Variants in CRACD observed in about 807,000 individuals in gnomAD.
The protein encoded by CRACD is capping protein inhibiting regulator of actin dynamics, also known as capping protein-inhibiting regulator of actin dynamics.
CRACD carries 56 observed loss-of-function variants against 106.8 expected under a neutral mutation model. The ratio of observed to expected loss-of-function variants is 0.52; its 90% CI spans 0.42 to 0.66. CRACD has a LOEUF of 0.66. Among genes scored for constraint, CRACD ranks in the 30% least tolerant of loss-of-function variants. CRACD has a pLI of 0.00. For missense variants in CRACD, 1,730 were observed against 1,623.2 expected, an observed-to-expected ratio of 1.07 and a Z score of -1.13; for synonymous variants, 754 against 670.8, an observed-to-expected ratio of 1.12 and a Z score of -1.92.
chr4:56,214,662 T>TCA (rs1738575971), intron 2 of CRACD, among the ~76,000 whole-genome samples: 1 of 76,096 alleles, frequency 1.3e-5, no homozygotes, highest in South Asian at 8.0e-4. Context: ...ACTCTCTCTC[T>TCA]CTCTCTCTCT....
At chr4:56,317,691 T>C (rs1033985248) in intron 8 of CRACD, among the ~76,000 whole-genome samples, 4 of 152,134 alleles carry the variant, frequency 2.6e-5, no homozygotes, top group Admixed American at 6.5e-5. Flanking sequence ...TATGGGATAA[T>C]TGACTGTCTC....
At chr4:56,167,203 T>G (rs1736188214) in intron 1 of CRACD, among the ~76,000 whole-genome samples, 1 of 152,228 alleles carries the variant, frequency 6.6e-6, no homozygotes, top group Non-Finnish European at 1.5e-5. Flanking sequence ...TTATTTCATT[T>G]TTTTCAAAAA....
intron 1 of CRACD, among the ~76,000 whole-genome samples, chr4:56,094,402 C>T (rs1172884220): frequency 6.7e-6 from 1 of 149,980 alleles, no homozygotes; most frequent in African/African-American, 2.4e-5. Flanking sequence ...CTTATGTATT[C>T]CATAGTTTCA....
intron 2 of CRACD, among the ~76,000 whole-genome samples, chr4:56,198,917 T>G (rs1193866979): frequency 6.6e-6 from 1 of 152,222 alleles, no homozygotes; most frequent in Non-Finnish European, 1.5e-5. Context: ...GATTATGTAG[T>G]GTTCAGTAGT....
chr4:56,227,431 C>T (rs1739362047), intron 2 of CRACD, among the ~76,000 whole-genome samples: 1 of 152,162 alleles, frequency 6.6e-6, no homozygotes, highest in South Asian at 2.1e-4. Context: ...TAAAGTCATA[C>T]AACAACATAT....
intron 1 of CRACD, among the ~76,000 whole-genome samples, chr4:56,090,391 G>A (rs1490059568): frequency 6.6e-6 from 1 of 151,984 alleles, no homozygotes; most frequent in East Asian, 1.9e-4. Flanking sequence ...ATGAGCACCT[G>A]CCAAGCTGGG....
intron 2 of CRACD, among the ~76,000 whole-genome samples, chr4:56,214,679 C>CTATATATATATATA (rs755261143): frequency 8.1e-5 from 6 of 74,196 alleles, no homozygotes; most frequent in African/African-American, 2.8e-4. Flanking sequence ...CTCTCTCTCT[C>CTATATATATATATA]TCTATATATA....
At chr4:56,110,623 G>C (rs1734087674) in intron 1 of CRACD, among the ~76,000 whole-genome samples, 1 of 151,948 alleles carries the variant, frequency 6.6e-6, no homozygotes, top group African/African-American at 2.4e-5. Flanking sequence ...TTGAGACAGG[G>C]TCTCATTCTG....
intron 1 of CRACD, among the ~76,000 whole-genome samples, chr4:56,146,488 A>T (rs188153769): frequency 6.6e-6 from 1 of 151,618 alleles, no homozygotes; most frequent in Non-Finnish European, 1.5e-5. Context: ...TTACATATGT[A>T]TACATGTGCC....
chr4:56,316,677 G>T lies in CRACD; in HGVS notation c.3175G>T (p.Ala1059Ser). The T allele has an allele frequency of 6.2e-7, 1 of 1,608,212 alleles. No individual in the cohort carries two copies. Among genetic ancestry groups the T allele is most frequent in the South Asian group, 1.1e-5 (1 of 90,912 alleles). ...QQEKPSQTPE[A>S]GRKEKPMLQS... The stretch of plus-strand genomic sequence containing the variant: ...AGAGAAACCTTCTCAAACACCCGAG[G>T]CCGGGAGGAAAGGTAGGTAGCTGCA... The change falls in exon 8 of 11, where the codon GCC (alanine) becomes TCC (serine). Residue 1059 changes from alanine to serine, a missense_variant. By Grantham distance (99) the Ala-to-Ser change is moderately conservative. This residue lies in a region of CRACD where 1,620 missense variants were observed against 1,481.6 expected (regional missense o/e 1.09). Coordinates refer to ENST00000682029, the MANE Select transcript of CRACD (RefSeq NM_001393381.1).
intron 1 of CRACD, among the ~76,000 whole-genome samples, chr4:56,105,439 C>T (rs1490371416): frequency 6.6e-6 from 1 of 152,170 alleles, no homozygotes; most frequent in East Asian, 1.9e-4. Context: ...GTTGAGGCTA[C>T]AGTGAGCCCT....
At chr4:56,285,802 T>C (rs1743307670) in intron 3 of CRACD, among the ~76,000 whole-genome samples, 1 of 152,142 alleles carries the variant, frequency 6.6e-6, no homozygotes, top group African/African-American at 2.4e-5. Flanking sequence ...GTGAGGTAGG[T>C]CCTATTATTA....
chr4:56,265,550 A>G (rs1366919687), intron 2 of CRACD, among the ~76,000 whole-genome samples: 1 of 152,172 alleles, frequency 6.6e-6, no homozygotes, highest in Non-Finnish European at 1.5e-5. Context: ...TTGTTGAGAA[A>G]GTCAAGTTTC....
chr4:56,291,169 C>CAG (rs996110411), intron 3 of CRACD, among the ~76,000 whole-genome samples: 8 of 152,126 alleles, frequency 5.3e-5, no homozygotes, highest in African/African-American at 1.7e-4. Context: ...ATCATTTGAG[C>CAG]AGAGAGAGAG....
intron 1 of CRACD, among the ~76,000 whole-genome samples, chr4:56,178,781 A>G (rs1736691861): frequency 6.6e-6 from 1 of 152,204 alleles, no homozygotes; most frequent in Admixed American, 6.5e-5. Context: ...TACATTCATT[A>G]CATCCTGGTT....
Position 56,278,086 on chromosome 4 carries a change from T to TC in CRACD, c.-17+5594_-17+5595insC, listed in dbSNP as rs1560514430. On this transcript the variant is annotated intron_variant, in intron 3 of 10. Transcript: ENST00000682029. ...TGTTAAGATGACAGTACTCCCCAGA[T>TC]TGAGCTACAGATTCAATGTGGTCCC... Among the ~76,000 whole-genome samples the TC allele has an allele frequency of 2.6e-5, 4 of 151,864 alleles. No individual in the cohort carries two copies. The East Asian group carries it at 7.8e-4, about 29-fold the overall frequency.
At chr4:56,073,121 A>C (rs1732721154) in intron 1 of CRACD, among the ~76,000 whole-genome samples, 3 of 152,190 alleles carry the variant, frequency 2.0e-5, no homozygotes, top group African/African-American at 7.2e-5. Context: ...GTATATACCC[A>C]ACAATGGGAT....
chr4:56,071,544 T>C (rs1411411810), intron 1 of CRACD, among the ~76,000 whole-genome samples: 1 of 151,572 alleles, frequency 6.6e-6, no homozygotes, highest in Non-Finnish European at 1.5e-5. Flanking sequence ...TCTCACTCTG[T>C]TGCCCAGGCT....
At position 56,242,279 on chromosome 4, in the gene CRACD, G is replaced by A. The variant is rs116422740; in HGVS notation, c.-188-30042G>A. On this transcript the variant is annotated intron_variant, in intron 2 of 10. Coordinates refer to ENST00000682029, the MANE Select transcript of CRACD (RefSeq NM_001393381.1). ...GATCATGAGTATACAGCCACAGGAT[G>A]AACGGAAAAATAAAACCATCCTTAT... 5.0e-3 allele frequency among the ~76,000 whole-genome samples: 766 copies of A among 152,228 alleles called. 13 individuals are homozygous for A. Among genetic ancestry groups the A allele is most frequent in the Admixed American group, 8.6e-3 (131 of 15,294 alleles).
Sources: gnomAD v4.1 joint callset for allele counts (sites outside exome capture counted in the v4.1 genomes callset) on GRCh38, gnomAD v4.1.1 for gene constraint, gnomAD v4.1.1 regional missense constraint, MANE v1.5 for transcripts, NCBI Gene and HGNC (gene_info 2026-07-23, HGNC 2026-07-21) for gene names.